The following CNTNAP2 variants were observed in gnomAD, a reference collection of about 807,000 sequenced individuals.
The protein encoded by CNTNAP2 is contactin-associated protein-like 2.
CNTNAP2 carries 98 observed loss-of-function variants against 155.2 expected under a neutral mutation model. That is an observed-to-expected ratio of 0.63 (90% CI 0.54 to 0.75). The LOEUF (loss-of-function observed/expected upper bound fraction) is 0.75, where lower values mean the gene tolerates loss of function less well. CNTNAP2 is among the 30% of genes least tolerant of loss of function. CNTNAP2 has a pLI of 0.00. For synonymous variants in CNTNAP2, 651 were observed against 631.2 expected, an observed-to-expected ratio of 1.03 and a Z score of -0.47; for missense variants, 1,727 against 1,688.1, an observed-to-expected ratio of 1.02 and a Z score of -0.40.
chr7:147,185,340 A>G (rs921970048), intron 8 of CNTNAP2, among the ~76,000 whole-genome samples: 20 of 152,170 alleles, frequency 1.3e-4, no homozygotes, highest in African/African-American at 4.6e-4. Context: ...TTGAGCTTGC[A>G]CGTAATCTAC....
At chr7:147,374,256 T>C (rs555337260) in intron 9 of CNTNAP2, among the ~76,000 whole-genome samples, 3 of 152,242 alleles carry the variant, frequency 2.0e-5, no homozygotes, top group African/African-American at 7.2e-5. Flanking sequence ...AGCCTTCTTA[T>C]AAAGAAATTT....
At chr7:148,007,987 T>TTTA (rs1802009322) in intron 15 of CNTNAP2, among the ~76,000 whole-genome samples, 1 of 152,140 alleles carries the variant, frequency 6.6e-6, no homozygotes, top group Non-Finnish European at 1.5e-5. Flanking sequence ...TTAGCACTTA[T>TTTA]GACTAAATTA....
chr7:147,975,739 C>T (rs530850775), intron 14 of CNTNAP2, among the ~76,000 whole-genome samples: 1 of 152,144 alleles, frequency 6.6e-6, no homozygotes, highest in African/African-American at 2.4e-5. Context: ...TGTTTCTTTG[C>T]ATTTATTCTC....
intron 11 of CNTNAP2, among the ~76,000 whole-genome samples, chr7:147,558,735 TCC>T (rs1800000548): frequency 4.0e-5 from 4 of 101,250 alleles, no homozygotes; most frequent in African/African-American, 1.4e-4. Context: ...CTTCCTTCCT[TCC>T]TTCCTTTCTT....
chr7:147,144,280 C>G (rs760984809), intron 8 of CNTNAP2, among the ~76,000 whole-genome samples: 3 of 152,242 alleles, frequency 2.0e-5, no homozygotes, highest in Middle Eastern at 3.4e-3. Flanking sequence ...TAACTTTATA[C>G]GAGACATTAC....
intron 3 of CNTNAP2, among the ~76,000 whole-genome samples, chr7:146,901,302 A>G (rs534543271): frequency 7.9e-5 from 12 of 152,328 alleles, no homozygotes; most frequent in African/African-American, 2.6e-4. Context: ...TTCCATAGAA[A>G]ACAAAAATTA....
chr7:147,252,050 C>T (rs1804210765), intron 8 of CNTNAP2, among the ~76,000 whole-genome samples: 2 of 152,084 alleles, frequency 1.3e-5, no homozygotes, highest in South Asian at 4.1e-4. Context: ...TATTTAAAGA[C>T]AACTTCTCAG....
intron 1 of CNTNAP2, among the ~76,000 whole-genome samples, chr7:146,403,024 T>C (rs181828522): frequency 2.6e-5 from 4 of 152,276 alleles, no homozygotes; most frequent in African/African-American, 9.6e-5. Flanking sequence ...TATATATTTG[T>C]ATGTCTTATG....
intron 1 of CNTNAP2, among the ~76,000 whole-genome samples, chr7:146,715,357 A>G (rs344475): frequency 0.035 from 5,354 of 152,206 alleles, 112 homozygotes; most frequent in Middle Eastern, 0.054. Context: ...ACAAAACTCT[A>G]TGGAGTCAAA....
At chr7:146,927,495 T>C (rs1284804626) in intron 3 of CNTNAP2, among the ~76,000 whole-genome samples, 1 of 152,114 alleles carries the variant, frequency 6.6e-6, no homozygotes, top group African/African-American at 2.4e-5. Flanking sequence ...ATCTAATAGA[T>C]TAACTTTAAA....
intron 13 of CNTNAP2, among the ~76,000 whole-genome samples, chr7:147,738,327 G>A (rs2116480815): frequency 6.6e-6 from 1 of 152,136 alleles, no homozygotes; most frequent in East Asian, 1.9e-4. Flanking sequence ...TCTACTCTGA[G>A]TAAAATGCTT....
chr7:148,100,969 T>C (rs1804086720), intron 15 of CNTNAP2, among the ~76,000 whole-genome samples: 1 of 152,116 alleles, frequency 6.6e-6, no homozygotes, highest in Non-Finnish European at 1.5e-5. Flanking sequence ...GAAGAGTTCA[T>C]GTCCTTTGTA....
chr7:148,364,334 C>T (rs1196853512), intron 21 of CNTNAP2, among the ~76,000 whole-genome samples: 1 of 152,130 alleles, frequency 6.6e-6, no homozygotes, highest in East Asian at 1.9e-4. Context: ...ATACACCAAT[C>T]GGGACTCTAT....
intron 12 of CNTNAP2, among the ~76,000 whole-genome samples, chr7:147,623,867 C>A (rs766125529): frequency 3.6e-4 from 55 of 152,004 alleles, no homozygotes; most frequent in Non-Finnish European, 5.3e-4. Context: ...TCAAATTATG[C>A]TACAGAGCTA....
At chr7:146,495,942 C>T (rs527734254) in intron 1 of CNTNAP2, among the ~76,000 whole-genome samples, 41 of 152,272 alleles carry the variant, frequency 2.7e-4, no homozygotes, top group African/African-American at 9.9e-4. Context: ...AAGATCTACT[C>T]AGCCAAATTG....
intron 1 of CNTNAP2, among the ~76,000 whole-genome samples, chr7:146,657,975 A>G (rs1800023150): frequency 6.6e-6 from 1 of 152,162 alleles, no homozygotes; most frequent in African/African-American, 2.4e-5. Context: ...TAAAACATAC[A>G]TTCAAGCATG....
chr7:148,046,390 AT>A (rs1802774704), intron 15 of CNTNAP2, among the ~76,000 whole-genome samples: 1 of 152,250 alleles, frequency 6.6e-6, no homozygotes, highest in Non-Finnish European at 1.5e-5. Flanking sequence ...TATAGTTTAT[AT>A]TTAATTGAGT....
At chr7:147,043,774 T>C (rs1799303613) in intron 3 of CNTNAP2, 133 bp from the exon 4 acceptor site, 1 of 1,126,056 alleles carries the variant, frequency 8.9e-7, no homozygotes, top group Admixed American at 2.2e-5. Context: ...AGCAGCTTTC[T>C]TCAAATTATT....
At position 146,569,497 on chromosome 7, in the gene CNTNAP2, T is replaced by C. The variant is rs111680978; in HGVS notation, c.98-204774T>C. ...GATATATTCCTCATGGATATTCTCA[T>C]AAAAATTTGAGTGTTTCTTTTCCAG... On this transcript the variant is annotated intron_variant, in intron 1 of 23. Coordinates refer to ENST00000361727, the MANE Select transcript of CNTNAP2 (RefSeq NM_014141.6). Among the ~76,000 whole-genome samples, 1,240 of 152,358 alleles carry C rather than the reference T, an allele frequency of 8.1e-3. 15 individuals are homozygous for C. The highest frequency in any genetic ancestry group is 0.027 in the African/African-American group (1,112 of 41,584).
Sources: gnomAD v4.1 joint callset for allele counts (sites outside exome capture counted in the v4.1 genomes callset) on GRCh38, gnomAD v4.1.1 for gene constraint, MANE v1.5 for transcripts, NCBI Gene and HGNC (gene_info 2026-07-23, HGNC 2026-07-21) for gene names.